PCDHGB3: variants seen among roughly 807,000 people sequenced by gnomAD.
PCDHGB3 encodes the protein protocadherin gamma-B3.
Under a neutral mutation model 59.2 loss-of-function variants are expected in PCDHGB3, and 40 were observed. That is an observed-to-expected ratio of 0.68 (90% confidence interval 0.52 to 0.88). The LOEUF is 0.88. Among genes scored for constraint, PCDHGB3 ranks in the 40% least tolerant of loss-of-function variants. The pLI is 0.00. For synonymous variants in PCDHGB3, 581 were observed against 503.6 expected (o/e 1.15, Z -2.06); for missense variants, 1,309 against 1,187.9 (o/e 1.10, Z -1.50).
At chr5:141,421,192 C>G (rs758345796) in intron 1 of PCDHGB3, 22 of 1,491,716 alleles carry the variant, frequency 1.5e-5, no homozygotes, top group Non-Finnish European at 1.9e-5. Flanking sequence ...AACCAACCAG[C>G]TCGAGAAACC....
At chr5:141,406,448 A>G (rs149183502) in intron 1 of PCDHGB3, among the ~76,000 whole-genome samples, 1 of 152,348 alleles carries the variant, frequency 6.6e-6, no homozygotes, top group African/African-American at 2.4e-5. Context: ...TTCCATTTCT[A>G]TGACAGGAAA....
chr5:141,372,273 C>G lies in PCDHGB3; in HGVS notation c.1879C>G (p.Arg627Gly), dbSNP rs201775561. ...FSLGLRTGEV[R>G]TARTLGDREA... ...CCTGGGCCTGCGCACGGGTGAGGTG[C>G]GCACGGCGCGTACCTTGGGCGACAG... The change falls in exon 1 of 4, where the codon CGC (arginine) becomes GGC (glycine). Residue 627 changes from arginine to glycine, a missense_variant. Arg to Gly is a moderately radical substitution (Grantham distance 125). Coordinates refer to ENST00000576222, the MANE Select transcript of PCDHGB3 (RefSeq NM_018924.5). 6.2e-7 allele frequency: 1 copy of G among 1,613,108 alleles called. No homozygotes were observed. The highest frequency in any genetic ancestry group is 8.5e-7 in the Non-Finnish European group (1 of 1,179,804).
At chr5:141,458,264 G>A (rs1489144612) in intron 1 of PCDHGB3, among the ~76,000 whole-genome samples, 3 of 152,092 alleles carry the variant, frequency 2.0e-5, no homozygotes, top group Non-Finnish European at 2.9e-5. Flanking sequence ...GATGAGTGGA[G>A]GAACAACAGG....
At chr5:141,470,016 C>G (rs116065751) in intron 1 of PCDHGB3, among the ~76,000 whole-genome samples, 1 of 152,146 alleles carries the variant, frequency 6.6e-6, no homozygotes, top group Non-Finnish European at 1.5e-5. Context: ...GTAATCCCAG[C>G]TACTCGGGAT....
At chr5:141,472,778 G>T (rs1244170163) in intron 1 of PCDHGB3, among the ~76,000 whole-genome samples, 1 of 151,878 alleles carries the variant, frequency 6.6e-6, no homozygotes, top group Non-Finnish European at 1.5e-5. Flanking sequence ...CTGAGGTTGG[G>T]AGTTCAAGAT....
At chr5:141,383,201 G>C in intron 1 of PCDHGB3, 3 of 1,614,000 alleles carry the variant, frequency 1.9e-6, no homozygotes, top group Non-Finnish European at 2.5e-6. Flanking sequence ...CAGAGTGCGC[G>C]GTGTCTGGTA....
rs115808055 is a variant in PCDHGB3 at position 141,476,782 on chromosome 5, A to G, written c.2416-18025A>G. Reference sequence around the variant, plus strand: ...TGACGGCGTTGGACGGAGGGACCCCAGCTCTCTCCGCCAGCCTGCCTATTC... The same window carrying G: ...TGACGGCGTTGGACGGAGGGACCCCGGCTCTCTCCGCCAGCCTGCCTATTC... On this transcript the variant is annotated intron_variant, in intron 1 of 3. Transcript: ENST00000576222. This position sits in a 1 kb window ranked among gnomAD's most constrained non-coding sequence, Gnocchi z 7.6. 18,517 of 1,613,566 alleles carry G rather than the reference A, an allele frequency of 0.011. 139 individuals are homozygous for G. Among genetic ancestry groups the G allele is most frequent in the Non-Finnish European group, 0.014 (16,976 of 1,179,996 alleles).
intron 1 of PCDHGB3, chr5:141,399,723 C>T: frequency 6.2e-7 from 1 of 1,613,322 alleles, no homozygotes; most frequent in Non-Finnish European, 8.5e-7. Flanking sequence ...AGGCCCGCGA[C>T]CAGGGCTCGC....
chr5:141,421,926 C>T, intron 1 of PCDHGB3: 1 of 1,613,460 alleles, frequency 6.2e-7, no homozygotes, highest in Non-Finnish European at 8.5e-7. Context: ...GTGTGGTGGT[C>T]CTCGATGTAA....
rs768704302 is a variant in PCDHGB3 at position 141,383,259 on chromosome 5, C to A, written c.2415+10450C>A. On this transcript the variant is annotated intron_variant, in intron 1 of 3. Coordinates refer to ENST00000576222, the MANE Select transcript of PCDHGB3 (RefSeq NM_018924.5). ...ATAAAATGAATCTTTACCCTATAGA[C>A]GTGGAAATAATAGATATTAATGACA... The A allele has an allele frequency of 5.6e-6, 9 of 1,613,810 alleles. No individual in the cohort carries two copies. In the South Asian group the frequency reaches 6.6e-5, roughly 12 times the overall value.
chr5:141,484,374 T>C (rs1261372490), intron 1 of PCDHGB3, among the ~76,000 whole-genome samples: 1 of 152,186 alleles, frequency 6.6e-6, no homozygotes, highest in Non-Finnish European at 1.5e-5. Context: ...CACTAGCAAA[T>C]GTCTGAATAA....
At chr5:141,394,395 C>A (rs1238779909) in intron 1 of PCDHGB3, 3 of 1,614,146 alleles carry the variant, frequency 1.9e-6, no homozygotes, top group African/African-American at 1.3e-5. Context: ...GATCCGAGAC[C>A]TGCAGCTACT....
intron 1 of PCDHGB3, among the ~76,000 whole-genome samples, chr5:141,438,325 A>C (rs1400796518): frequency 6.6e-6 from 1 of 151,948 alleles, no homozygotes; most frequent in African/African-American, 2.4e-5. Context: ...AATTTTTCTT[A>C]TACATGTCAT....
At chr5:141,422,090 A>T (rs762413085) in intron 1 of PCDHGB3, 1 of 1,611,852 alleles carries the variant, frequency 6.2e-7, no homozygotes, top group East Asian at 2.2e-5. Context: ...ATGGAAAGCA[A>T]GGCTTCTGAA....
At chr5:141,495,102 C>A (rs1344771035) in intron 2 of PCDHGB3, among the ~76,000 whole-genome samples, 3 of 152,160 alleles carry the variant, frequency 2.0e-5, no homozygotes, top group Non-Finnish European at 4.4e-5. Flanking sequence ...CTCGCCACGA[C>A]CGGCACCTTT....
rs1239203203 is a variant in PCDHGB3 at position 141,403,933 on chromosome 5, G to T, written c.2415+31124G>T. 1.7e-5 allele frequency: 27 copies of T among 1,613,792 alleles called. No homozygotes were observed. The highest frequency in any genetic ancestry group is 1.6e-4 in the African/African-American group (12 of 74,902). ...TACAAGCTGAAGATGGTGGGGGATT[G>T]AAAGGGTGGACAAAAGTGCTCATTT... On this transcript the variant is annotated intron_variant, in intron 1 of 3. Transcript: ENST00000576222.
At chr5:141,455,208 A>G (rs1450523873) in intron 1 of PCDHGB3, among the ~76,000 whole-genome samples, 1 of 151,996 alleles carries the variant, frequency 6.6e-6, no homozygotes, top group Non-Finnish European at 1.5e-5. Context: ...AACCAATAAG[A>G]GTTTTTAATG....
Position 141,487,910 on chromosome 5 carries a change from C to T in PCDHGB3, c.2416-6897C>T, listed in dbSNP as rs2099668803. The T allele has an allele frequency of 3.0e-6, 2 of 661,468 alleles. No individual in the cohort carries two copies. Among genetic ancestry groups the T allele is most frequent in the Non-Finnish European group, 5.1e-6 (2 of 388,904 alleles). The allele number at this position is 661,468 out of a possible 1,614,324, so 41.0% of individuals were successfully genotyped here. ...AGCATGATGATGGAATGTGGGAGCA[C>T]AGGAGGCTACAGTGCACAGGGTACA... On this transcript the variant is annotated intron_variant, in intron 1 of 3. Transcript: ENST00000576222. The surrounding 1 kb of genome is among the most constrained non-coding windows in gnomAD (Gnocchi z 5.0).
intron 1 of PCDHGB3, chr5:141,404,354 G>A (rs749866543): frequency 6.2e-7 from 1 of 1,613,916 alleles, no homozygotes; most frequent in Non-Finnish European, 8.5e-7. Flanking sequence ...CAACGCCAGA[G>A]GTACTTCCAT....
Sources: allele counts gnomAD v4.1 joint callset (sites outside exome capture counted in the v4.1 genomes callset), GRCh38; gene constraint gnomAD v4.1.1; non-coding constraint Gnocchi (gnomAD v3.1); transcripts MANE v1.5; gene names NCBI Gene and HGNC (gene_info 2026-07-23, HGNC 2026-07-21).